Variants in GLIS3 observed in about 807,000 individuals in gnomAD.
GLIS3 encodes the protein GLIS family zinc finger 3.
GLIS3 carries 53 observed loss-of-function variants against 78.6 expected under a neutral mutation model. That is an observed-to-expected ratio of 0.67 (90% CI 0.54 to 0.85). GLIS3 has a LOEUF of 0.85. Ranked by LOEUF, GLIS3 falls within the 40% of genes least tolerant of loss-of-function variation. GLIS3 has a pLI of 0.00. For missense variants in GLIS3, 1,703 were observed against 1,231.1 expected, an observed-to-expected ratio of 1.38 and a Z score of -5.74; for synonymous variants, 684 against 509.9, an observed-to-expected ratio of 1.34 and a Z score of -4.60.
the GLIS3 span, among the ~76,000 whole-genome samples, chr9:4,418,510 C>T: frequency 1.3e-5 from 2 of 152,082 alleles, no homozygotes; most frequent in Admixed American, 6.5e-5. Context: ...ACCAGGCTGG[C>T]CAACATGGTG....
intron 2 of GLIS3, among the ~76,000 whole-genome samples, chr9:4,215,349 G>A (rs904112036): frequency 1.3e-5 from 2 of 151,828 alleles, no homozygotes; most frequent in African/African-American, 4.8e-5. Context: ...GTGTGTGTGT[G>A]TGTGTGTATA....
chr9:4,489,544 C>A, the GLIS3 span, among the ~76,000 whole-genome samples: 4 of 152,004 alleles, frequency 2.6e-5, no homozygotes, highest in East Asian at 1.9e-4. Context: ...AGATTGTATA[C>A]GTGAGAGTGA....
intron 9 of GLIS3, among the ~76,000 whole-genome samples, chr9:3,837,921 T>C (rs1374992478): frequency 6.6e-6 from 1 of 151,960 alleles, no homozygotes; most frequent in East Asian, 1.9e-4. Flanking sequence ...TGATGTGTCA[T>C]TGTAGGTTTA....
At chr9:4,333,439 C>A (rs1487966336) in intron 2 of GLIS3, among the ~76,000 whole-genome samples, 1 of 152,074 alleles carries the variant, frequency 6.6e-6, no homozygotes, top group Non-Finnish European at 1.5e-5. Flanking sequence ...CTTTAATTTG[C>A]TTAAGAACAA....
In GLIS3 at chr9:3,966,059, A is replaced by C. The variant is rs186186661; in HGVS notation, c.1711-28870T>G. 1.2e-3 allele frequency among the ~76,000 whole-genome samples: 179 copies of C among 152,380 alleles called. 1 individual carries two copies. The highest frequency in any genetic ancestry group is 3.9e-3 in the African/African-American group (162 of 41,598). The stretch of plus-strand genomic sequence containing the variant: ...TCATTTCAACAGAAAACTCAGGTTA[A>C]AAATGTGAAATTGTGGTCTTTTGTT... On this transcript the variant is annotated intron_variant, in intron 4 of 10. Transcript: ENST00000381971.
At chr9:4,026,181 A>C (rs1823328091) in intron 4 of GLIS3, among the ~76,000 whole-genome samples, 1 of 152,232 alleles carries the variant, frequency 6.6e-6, no homozygotes, top group Admixed American at 6.5e-5. Context: ...GAGGCCCTCA[A>C]CACTCCAGTG....
intron 4 of GLIS3, among the ~76,000 whole-genome samples, chr9:4,021,678 T>C (rs1822897143): frequency 6.6e-6 from 1 of 152,152 alleles, no homozygotes; most frequent in Admixed American, 6.5e-5. Context: ...ACTGCCACCG[T>C]TCCTCCTGGG....
At chr9:4,336,972 G>C (rs950182509) in intron 2 of GLIS3, among the ~76,000 whole-genome samples, 1 of 152,166 alleles carries the variant, frequency 6.6e-6, no homozygotes. Flanking sequence ...CCAGAGGACA[G>C]AATATAAATG....
At chr9:4,330,644 T>G (rs1308470352) in intron 2 of GLIS3, among the ~76,000 whole-genome samples, 2 of 130,036 alleles carry the variant, frequency 1.5e-5, no homozygotes, top group African/African-American at 3.0e-5. Flanking sequence ...TGAGGAGAGG[T>G]GGAGGTGAAG....
At chr9:4,484,240 T>TTTA in the GLIS3 span, among the ~76,000 whole-genome samples, 1 of 117,458 alleles carries the variant, frequency 8.5e-6, no homozygotes. Context: ...TTTTTTTTTA[T>TTTA]TTTTTTTATT....
intron 8 of GLIS3, among the ~76,000 whole-genome samples, chr9:3,861,314 A>C (rs989264875): frequency 6.6e-6 from 1 of 152,152 alleles, no homozygotes; most frequent in African/African-American, 2.4e-5. Context: ...TATTGGAGGG[A>C]ATGTAAATTA....
chr9:4,137,971 G>C (rs535828760), intron 2 of GLIS3, among the ~76,000 whole-genome samples: 1 of 152,350 alleles, frequency 6.6e-6, no homozygotes, highest in Admixed American at 6.5e-5. Context: ...CTGAAAAACT[G>C]AAACACCAGC....
intron 6 of GLIS3, among the ~76,000 whole-genome samples, chr9:3,920,409 C>T (rs1263624090): frequency 6.6e-6 from 1 of 152,000 alleles, no homozygotes; most frequent in Non-Finnish European, 1.5e-5. Flanking sequence ...GTTAAAGTGT[C>T]TAATCAATTT....
At chr9:4,303,148 A>G (rs553609958), upstream of GLIS3, among the ~76,000 whole-genome samples, 89 of 152,296 alleles carry the variant, frequency 5.8e-4, no homozygotes, top group Middle Eastern at 0.01. Context: ...ACTTGCAAAG[A>G]ACTATGATCA....
At chr9:4,104,808 C>T (rs1335096343) in intron 4 of GLIS3, among the ~76,000 whole-genome samples, 1 of 152,222 alleles carries the variant, frequency 6.6e-6, no homozygotes, top group Non-Finnish European at 1.5e-5. Flanking sequence ...TATCTTCCCC[C>T]TCCAGAGTGT....
chr9:4,130,727 G>A (rs141657689), intron 2 of GLIS3, among the ~76,000 whole-genome samples: 1 of 152,228 alleles, frequency 6.6e-6, no homozygotes, highest in Non-Finnish European at 1.5e-5. Context: ...GCCACACGGA[G>A]AACCACTTCT....
At chr9:4,052,567 G>T (rs1222368958) in intron 4 of GLIS3, among the ~76,000 whole-genome samples, 1 of 152,108 alleles carries the variant, frequency 6.6e-6, no homozygotes, top group East Asian at 1.9e-4. Context: ...TGGACATGTC[G>T]TAGAAACTGA....
chr9:4,276,229 G>A (rs925117221), intron 2 of GLIS3, among the ~76,000 whole-genome samples: 2 of 149,360 alleles, frequency 1.3e-5, no homozygotes, highest in Admixed American at 6.7e-5. Flanking sequence ...GTTGCAGTGA[G>A]CCCAGATAGT....
At chr9:4,009,448 A>G (rs2130009343) in intron 4 of GLIS3, among the ~76,000 whole-genome samples, 1 of 152,254 alleles carries the variant, frequency 6.6e-6, no homozygotes, top group East Asian at 1.9e-4. Context: ...AGCAAGGTGC[A>G]GCCATGGCCC....
Sources: gnomAD v4.1 joint callset for allele counts (sites outside exome capture counted in the v4.1 genomes callset) on GRCh38, gnomAD v4.1.1 for gene constraint, MANE v1.5 for transcripts, NCBI Gene and HGNC (gene_info 2026-07-23, HGNC 2026-07-21) for gene names.